The following HERC2 variants were observed in gnomAD, a reference collection of about 807,000 sequenced individuals.
HERC2 encodes the protein HECT and RLD domain containing E3 ubiquitin protein ligase 2, also known as E3 ubiquitin-protein ligase HERC2.
Under a neutral mutation model 537.7 loss-of-function variants are expected in HERC2, and 102 were observed. The ratio of observed to expected loss-of-function variants is 0.19; its 90% confidence interval spans 0.16 to 0.22. The LOEUF (loss-of-function observed/expected upper bound fraction) is 0.22. HERC2 is among the 10% of genes least tolerant of loss of function. The probability of loss-of-function intolerance (pLI) is 1.00; values close to 1 mark genes in which losing one functional copy is unlikely to be tolerated. For synonymous variants in HERC2, 2,224 were observed against 2,466.2 expected (o/e 0.90, Z 2.91); for missense variants, 4,236 against 6,198.2 (o/e 0.68, Z 10.63).
At chr15:28,123,405 C>T (rs745347736) in intron 85 of HERC2, among the ~76,000 whole-genome samples, 1 of 152,204 alleles carries the variant, frequency 6.6e-6, no homozygotes, top group Non-Finnish European at 1.5e-5. Context: ...TGGTAATTAG[C>T]CCCTTCAAGA....
At chr15:28,164,476 A>G (rs760413178) in intron 68 of HERC2, among the ~76,000 whole-genome samples, 16 of 152,220 alleles carry the variant, frequency 1.1e-4, no homozygotes, top group Non-Finnish European at 1.6e-4. Context: ...GGACAGCAAA[A>G]GCATTCAGTG....
chr15:28,262,176 G>A (rs1468234159), intron 15 of HERC2, among the ~76,000 whole-genome samples: 1 of 152,180 alleles, frequency 6.6e-6, no homozygotes, highest in Non-Finnish European at 1.5e-5. Flanking sequence ...CGATTAGGAT[G>A]AAGACTATCT....
At chr15:28,157,142 C>T (rs1470142409) in intron 69 of HERC2, among the ~76,000 whole-genome samples, 3 of 152,094 alleles carry the variant, frequency 2.0e-5, no homozygotes, top group South Asian at 2.1e-4. Flanking sequence ...CTGCTGGATT[C>T]GGTTTGCCAG....
rs141794098 is a variant in HERC2, at chr15:28,150,455, G to A, written c.10900+2222C>T. On this transcript the variant is annotated intron_variant, in intron 70 of 92. Coordinates refer to ENST00000261609, the MANE Select transcript of HERC2 (RefSeq NM_004667.6). ...CATCACCGACAACGGCCACACGAAC[G>A]TACATTCTAGTGAAATTACCAAAAA... Among the ~76,000 whole-genome samples, 29 of 145,708 alleles carry A rather than the reference G, an allele frequency of 2.0e-4. No homozygotes were observed. In the East Asian group the frequency reaches 5.8e-3, roughly 29 times the overall value.
intron 2 of HERC2, among the ~76,000 whole-genome samples, chr15:28,318,557 G>GGCGGA (rs1194332926): frequency 6.6e-6 from 1 of 151,922 alleles, no homozygotes; most frequent in Non-Finnish European, 1.5e-5. Context: ...GAACCCAGGA[G>GGCGGA]GCTTGCAGTG....
intron 85 of HERC2, among the ~76,000 whole-genome samples, chr15:28,123,004 AT>A (rs1395486512): frequency 2.0e-5 from 3 of 152,184 alleles, no homozygotes; most frequent in Admixed American, 6.5e-5. Context: ...AGAAGGTAAA[AT>A]TAATCGTTTG....
intron 55 of HERC2, 181 bp downstream of exon 55, chr15:28,190,784 A>G: frequency 1.7e-6 from 1 of 604,546 alleles, no homozygotes; most frequent in Non-Finnish European, 2.9e-6. Flanking sequence ...AGCTGAACTG[A>G]TAAGCAGCAA....
intron 66 of HERC2, among the ~76,000 whole-genome samples, chr15:28,169,192 G>GT (rs1894454176): frequency 6.6e-6 from 1 of 152,202 alleles, no homozygotes; most frequent in Admixed American, 6.5e-5. Context: ...CTATAAATTA[G>GT]TATCACCTAA....
chr15:28,181,829 G>A (rs1269845422), intron 57 of HERC2, among the ~76,000 whole-genome samples: 1 of 152,216 alleles, frequency 6.6e-6, no homozygotes, highest in African/African-American at 2.4e-5. Flanking sequence ...GCTATGGCAC[G>A]GCTTCCCGTG....
rs1596158675 is a variant in HERC2 at position 28,186,035 on chromosome 15, T to C, written c.8825+542A>G. ...ACAGTCATAAGATGAAATACTGCAC[T>C]CAAAAATTACAGGACTGAAGACTAA... On this transcript the variant is annotated intron_variant, in intron 56 of 92. Coordinates refer to ENST00000261609, the MANE Select transcript of HERC2 (RefSeq NM_004667.6). 2.6e-5 allele frequency among the ~76,000 whole-genome samples: 4 copies of C among 152,216 alleles called. No homozygotes were observed. The South Asian group carries it at 8.3e-4, about 32-fold the overall frequency.
intron 12 of HERC2, among the ~76,000 whole-genome samples, chr15:28,267,268 C>T (rs1260119312): frequency 1.3e-5 from 2 of 152,214 alleles, no homozygotes; most frequent in African/African-American, 4.8e-5. Flanking sequence ...GCTTAAGTTT[C>T]AATTTCCCCA....
chr15:28,230,334 C>G (rs781306187), intron 31 of HERC2, 33 bp downstream of exon 31: 2 of 1,579,796 alleles, frequency 1.3e-6, no homozygotes, highest in South Asian at 2.2e-5. Context: ...TGATTCTATT[C>G]AGCCAACCTC....
intron 5 of HERC2, among the ~76,000 whole-genome samples, chr15:28,277,606 A>G (rs2075909739): frequency 6.6e-6 from 1 of 152,212 alleles, no homozygotes; most frequent in African/African-American, 2.4e-5. Context: ...CCATTTCTGC[A>G]GCTGAGGGAA....
intron 68 of HERC2, among the ~76,000 whole-genome samples, chr15:28,163,661 C>T (rs1193660785): frequency 6.6e-6 from 1 of 152,176 alleles, no homozygotes; most frequent in African/African-American, 2.4e-5. Context: ...GAATCGTTTA[C>T]AAACTAAATT....
At chr15:28,243,557 A>T (rs1252168024) in intron 23 of HERC2, among the ~76,000 whole-genome samples, 1 of 152,218 alleles carries the variant, frequency 6.6e-6, no homozygotes, top group Non-Finnish European at 1.5e-5. Context: ...CCAGATAGAA[A>T]AATGCGCACA....
intron 69 of HERC2, among the ~76,000 whole-genome samples, chr15:28,155,597 A>C: frequency 7.1e-6 from 1 of 139,934 alleles, no homozygotes; most frequent in African/African-American, 3.4e-5. Context: ...TCCTTCGCCC[A>C]CTTGTTGATG....
chr15:28,240,363 A>C (rs1243062225), intron 23 of HERC2, among the ~76,000 whole-genome samples: 2 of 152,244 alleles, frequency 1.3e-5, no homozygotes, highest in Non-Finnish European at 2.9e-5. Context: ...GCTTGCAGTG[A>C]GCTGAGATCA....
rs565510633 is a variant in HERC2 at position 28,317,704 on chromosome 15, T to C, written c.72+3658A>G. ...TTTGTAGTGATGAAACAGTTCTGCATAGGAAATTGTAGTAGTAGTTACATT... is the reference window on the plus strand; with the variant it reads ...TTTGTAGTGATGAAACAGTTCTGCACAGGAAATTGTAGTAGTAGTTACATT... On this transcript the variant is annotated intron_variant, in intron 2 of 92. Transcript: ENST00000261609. Among the ~76,000 whole-genome samples, 47 of 152,336 alleles carry C rather than the reference T, an allele frequency of 3.1e-4. No homozygotes were observed. In the South Asian group the frequency reaches 3.3e-3, roughly 11 times the overall value.
intron 9 of HERC2, chr15:28,271,924 A>C (rs2075740287): frequency 2.3e-6 from 1 of 435,262 alleles, no homozygotes; most frequent in East Asian, 4.2e-5. Context: ...CCCAGTACAT[A>C]GGAAGGACCA....
Sources: allele counts gnomAD v4.1 joint callset (sites outside exome capture counted in the v4.1 genomes callset), GRCh38; gene constraint gnomAD v4.1.1; transcripts MANE v1.5; gene names NCBI Gene and HGNC (gene_info 2026-07-23, HGNC 2026-07-21).